TRAPPC3L: variants seen among roughly 807,000 people sequenced by gnomAD.
TRAPPC3L encodes trafficking protein particle complex subunit 3L, also known as trafficking protein particle complex subunit 3-like protein.
A neutral mutation model predicts 23.7 loss-of-function variants in TRAPPC3L; 23 were observed. The ratio of observed to expected loss-of-function variants is 0.97; its 90% CI spans 0.70 to 1.37. The LOEUF is 1.37. Ranked by LOEUF, TRAPPC3L falls within the 40% of genes most tolerant of loss-of-function variation. The pLI, the probability that TRAPPC3L is intolerant of heterozygous loss-of-function variation, is 0.00. For missense variants in TRAPPC3L, 212 were observed against 216.8 expected, an observed-to-expected ratio of 0.98 and a Z score of 0.14; for synonymous variants, 81 against 77.9, an observed-to-expected ratio of 1.04 and a Z score of -0.21.
chr6:116,540,016 A>T (rs1259079592), intron 3 of TRAPPC3L, among the ~76,000 whole-genome samples: 1 of 152,128 alleles, frequency 6.6e-6, no homozygotes, highest in Non-Finnish European at 1.5e-5. Flanking sequence ...ATCTCCCTCC[A>T]TGTGCTGAAA....
At chr6:116,534,433 T>C (rs541282015) in intron 3 of TRAPPC3L, among the ~76,000 whole-genome samples, 3 of 151,966 alleles carry the variant, frequency 2.0e-5, no homozygotes, top group Admixed American at 2.0e-4. Flanking sequence ...CATAGCAGTC[T>C]TGTGCATTCA....
rs1334399289 is a variant in TRAPPC3L at position 116,496,421 on chromosome 6, AG to A, written c.*532del. 1 of 152,218 alleles carries A rather than the reference AG, an allele frequency of 6.6e-6. No homozygotes were observed. Among genetic ancestry groups the A allele is most frequent in the East Asian group, 1.9e-4 (1 of 5,200 alleles). The allele number at this position is 152,218 out of a possible 1,614,324, so 9.4% of individuals were successfully genotyped here. A position where few individuals can be genotyped will look rare whatever the true frequency, so the allele number is the denominator to read the frequency against. On this transcript the variant is annotated 3_prime_UTR_variant, in exon 5 of 5. Coordinates refer to ENST00000368602, the MANE Select transcript of TRAPPC3L (RefSeq NM_001139444.3). ...AGCTTGACTTGGTGATTACAAATCAAGGGTAGCGTCAGAAGGCTAAAGCTAT... is the reference window on the plus strand; with the variant it reads ...AGCTTGACTTGGTGATTACAAATCAAGGTAGCGTCAGAAGGCTAAAGCTAT...
At chr6:116,542,748 T>C in intron 2 of TRAPPC3L, among the ~76,000 whole-genome samples, 1 of 152,136 alleles carries the variant, frequency 6.6e-6, no homozygotes, top group East Asian at 1.9e-4. Context: ...AATATGTTTT[T>C]TAAGAAAAGC....
intron 3 of TRAPPC3L, among the ~76,000 whole-genome samples, chr6:116,532,720 C>A (rs1772819603): frequency 6.6e-6 from 1 of 152,134 alleles, no homozygotes; most frequent in African/African-American, 2.4e-5. Context: ...AACAGCAAAT[C>A]GTTGGAAGAT....
intron 3 of TRAPPC3L, 79 bp downstream of exon 3, chr6:116,540,284 A>T (rs905372956): frequency 7.4e-7 from 1 of 1,354,958 alleles, no homozygotes; most frequent in Admixed American, 2.1e-5. Context: ...AACCTGTCCA[A>T]TCTGAACAGA....
chr6:116,545,243 T>C (rs180883921), intron 1 of TRAPPC3L, among the ~76,000 whole-genome samples: 116 of 152,148 alleles, frequency 7.6e-4, no homozygotes, highest in Non-Finnish European at 1.4e-3. Context: ...CTCATATTGA[T>C]ATAATTAGTC....
At chr6:116,502,110 GA>G (rs1192803393) in intron 3 of TRAPPC3L, among the ~76,000 whole-genome samples, 1 of 152,192 alleles carries the variant, frequency 6.6e-6, no homozygotes, top group African/African-American at 2.4e-5. Flanking sequence ...CCATTGCAAG[GA>G]AGGTAAAAAC....
chr6:116,506,081 C>T (rs1772002354), intron 3 of TRAPPC3L, among the ~76,000 whole-genome samples: 1 of 152,196 alleles, frequency 6.6e-6, no homozygotes, highest in African/African-American at 2.4e-5. Flanking sequence ...ACTGAGCAGG[C>T]AACCTACAGA....
At chr6:116,542,215 A>G (rs1773504907) in intron 2 of TRAPPC3L, among the ~76,000 whole-genome samples, 1 of 152,190 alleles carries the variant, frequency 6.6e-6, no homozygotes, top group Non-Finnish European at 1.5e-5. Flanking sequence ...AGTTCAGCTA[A>G]CAAAGTGACT....
chr6:116,541,666 CA>C (rs564475207), intron 2 of TRAPPC3L, among the ~76,000 whole-genome samples: 34 of 152,316 alleles, frequency 2.2e-4, no homozygotes, highest in Non-Finnish European at 4.4e-4. Context: ...GCTCTCACTG[CA>C]AAGACTTTTA....
rs768100314 is a variant in TRAPPC3L, at chr6:116,540,467, G to A, written c.141-5C>T. The A allele has an allele frequency of 9.0e-6, 14 of 1,550,814 alleles. No homozygotes were observed. The highest frequency in any genetic ancestry group is 1.0e-5 in the Non-Finnish European group (12 of 1,146,554). On this transcript the variant is annotated splice_polypyrimidine_tract_variant and splice_region_variant and intron_variant, in intron 2 of 4. Coordinates refer to ENST00000368602, the MANE Select transcript of TRAPPC3L (RefSeq NM_001139444.3). ...CGCGTTCCAATGCCGTAACCCCTGT[G>A]GATGACGGAAAGAGTGTGGTCTGAA...
intron 2 of TRAPPC3L, among the ~76,000 whole-genome samples, chr6:116,541,283 T>C (rs192573274): frequency 6.6e-6 from 1 of 152,320 alleles, no homozygotes; most frequent in Non-Finnish European, 1.5e-5. Flanking sequence ...TATAAGAACT[T>C]GCAATCTAGC....
At position 116,511,183 on chromosome 6, in the gene TRAPPC3L, G is replaced by T. The variant is rs915811164; in HGVS notation, c.241-10517C>A. Reference sequence around the variant, plus strand: ...ACCCACTTGTGCTCCAAAAGCTATTGATATATATATATATATATAATTTTC... The same window carrying T: ...ACCCACTTGTGCTCCAAAAGCTATTTATATATATATATATATATAATTTTC... On this transcript the variant is annotated intron_variant, in intron 3 of 4. Transcript: ENST00000368602. Among the ~76,000 whole-genome samples, 27 of 141,516 alleles carry T rather than the reference G, an allele frequency of 1.9e-4. 1 individual carries two copies. Among genetic ancestry groups the T allele is most frequent in the Admixed American group, 1.4e-3 (20 of 13,962 alleles). The allele number at this position is 141,516 out of a possible 152,430, so 92.8% of individuals were successfully genotyped here.
At chr6:116,533,811 A>T (rs1312798138) in intron 3 of TRAPPC3L, among the ~76,000 whole-genome samples, 1 of 152,192 alleles carries the variant, frequency 6.6e-6, no homozygotes, top group Non-Finnish European at 1.5e-5. Context: ...TGTGACTGGC[A>T]GGGCATAGAA....
At chr6:116,522,436 T>G (rs1357680086) in intron 3 of TRAPPC3L, 1 of 152,158 alleles carries the variant, frequency 6.6e-6, no homozygotes, top group Non-Finnish European at 1.5e-5. Flanking sequence ...TACAGGCAAA[T>G]TGTATTTATA....
rs538360548 is a variant in TRAPPC3L at position 116,537,987 on chromosome 6, G to A, written c.240+2376C>T. Among the ~76,000 whole-genome samples the A allele has an allele frequency of 5.9e-5, 9 of 152,312 alleles. No individual in the cohort carries two copies. The East Asian group carries it at 1.7e-3, about 29-fold the overall frequency. On this transcript the variant is annotated intron_variant, in intron 3 of 4. Transcript: ENST00000368602. The stretch of plus-strand genomic sequence containing the variant: ...CCTGGTCGAGGACCACAGGTAACAA[G>A]AAAGTTTTACATGAGACTTCTTAGC...
chr6:116,505,622 T>C (rs2115158447), intron 3 of TRAPPC3L, among the ~76,000 whole-genome samples: 1 of 152,222 alleles, frequency 6.6e-6, no homozygotes, highest in East Asian at 1.9e-4. Context: ...CAAACTATAC[T>C]ACAAGGTTAC....
rs1771822132 is a variant in TRAPPC3L at position 116,495,565 on chromosome 6, AT to A, written c.*1388del. The A allele has an allele frequency of 1.3e-5, 2 of 151,932 alleles. No individual in the cohort carries two copies. The highest frequency in any genetic ancestry group is 4.8e-5 in the African/African-American group (2 of 41,308). The allele number at this position is 151,932 out of a possible 1,614,324, so 9.4% of individuals were successfully genotyped here. ...GATTGCTGGATCATATGATCATTCT[AT>A]TTTTTGTTTTTTGAGGAACCTCCAA... On this transcript the variant is annotated 3_prime_UTR_variant, in exon 5 of 5. Transcript: ENST00000368602.
At chr6:116,498,855 G>A (rs528620263) in intron 4 of TRAPPC3L, among the ~76,000 whole-genome samples, 2 of 152,074 alleles carry the variant, frequency 1.3e-5, no homozygotes, top group South Asian at 4.2e-4. Flanking sequence ...CAGCCTTTGT[G>A]CCCTCTGTTT....
Sources: allele counts gnomAD v4.1 joint callset (sites outside exome capture counted in the v4.1 genomes callset), GRCh38; gene constraint gnomAD v4.1.1; transcripts MANE v1.5; gene names NCBI Gene and HGNC (gene_info 2026-07-23, HGNC 2026-07-21).